CNOT7: variants seen among roughly 807,000 people sequenced by gnomAD.
CNOT7 encodes the protein CCR4-NOT transcription complex subunit 7, also known as BTG1-binding factor 1.
CNOT7 carries 4 observed loss-of-function variants against 37.1 expected under a neutral mutation model. The ratio of observed to expected loss-of-function variants is 0.11; its 90% CI spans 0.05 to 0.25. The LOEUF is 0.25. Ranked by LOEUF, CNOT7 falls within the 10% of genes least tolerant of loss-of-function variation. The pLI is 1.00. For missense variants in CNOT7, 170 were observed against 336.2 expected, an observed-to-expected ratio of 0.51 and a Z score of 3.87; for synonymous variants, 128 against 115.6, an observed-to-expected ratio of 1.11 and a Z score of -0.69.
At chr8:17,232,364 A>T in intron 6 of CNOT7, 63 bp downstream of exon 6, 2 of 1,611,004 alleles carry the variant, frequency 1.2e-6, no homozygotes. Context: ...ATCTTTGGCC[A>T]CAAGATTTTT....
rs1360674860 is a variant in CNOT7 at position 17,225,248 on chromosome 8, T to TTCTTA, written c.*5467_*5471dup. ...TTCTTGGTATGATACTAAATAAAGATTCTTATCTTTTGGGAGAAAGAGCCA... is the reference window on the plus strand; with the variant it reads ...TTCTTGGTATGATACTAAATAAAGATTCTTATCTTATCTTTTGGGAGAAAGAGCCA... On this transcript the variant is annotated 3_prime_UTR_variant, in exon 7 of 7. Coordinates refer to ENST00000361272, the MANE Select transcript of CNOT7 (RefSeq NM_013354.7). 3 of 151,688 alleles carry TTCTTA rather than the reference T, an allele frequency of 2.0e-5. No homozygotes were observed. 9.4% of individuals were successfully genotyped at this position (151,688 alleles called of 1,614,324 possible).
chr8:17,233,800 T>C (rs556631563), intron 5 of CNOT7, among the ~76,000 whole-genome samples: 1 of 152,312 alleles, frequency 6.6e-6, no homozygotes, highest in Non-Finnish European at 1.5e-5. Context: ...ATATCATGTA[T>C]TAAAGGTAAA....
rs947330572 is a variant in CNOT7 at position 17,228,813 on chromosome 8, G to A, written c.*1907C>T. On this transcript the variant is annotated 3_prime_UTR_variant, in exon 7 of 7. Transcript: ENST00000361272. ...CATTGATTTCTCAAATAGTTGAACA[G>A]AATTTAAATATTAGTTTTCTCAGCT... 1 of 151,926 alleles carries A rather than the reference G, an allele frequency of 6.6e-6. No homozygotes were observed. The highest frequency in any genetic ancestry group is 1.5e-5 in the Non-Finnish European group (1 of 67,870). 9.4% of individuals were successfully genotyped at this position (151,926 alleles called of 1,614,324 possible). A position where few individuals can be genotyped will look rare whatever the true frequency, so the allele number is the denominator to read the frequency against.
chr8:17,234,501 A>C, intron 5 of CNOT7: 1 of 515,304 alleles, frequency 1.9e-6, no homozygotes, highest in Non-Finnish European at 3.5e-6. Flanking sequence ...ATGTGTTGAA[A>C]ATTCTGCCTT....
intron 3 of CNOT7, chr8:17,242,721 T>C (rs541203004): frequency 3.8e-5 from 10 of 264,838 alleles, no homozygotes; most frequent in Non-Finnish European, 5.6e-5. Flanking sequence ...TGTAGGATTA[T>C]TTTTTCTATC....
intron 4 of CNOT7, 133 bp from the exon 5 acceptor site, chr8:17,234,993 C>G (rs1392194671): frequency 4.4e-6 from 3 of 679,172 alleles, no homozygotes. Flanking sequence ...GAAGTGCACA[C>G]AAGAACAGAG....
chr8:17,244,107 T>C (rs1810560321), intron 2 of CNOT7, among the ~76,000 whole-genome samples: 1 of 152,174 alleles, frequency 6.6e-6, no homozygotes, highest in Admixed American at 6.5e-5. Flanking sequence ...TGTGTTATGC[T>C]AGGTGTTGGG....
In CNOT7 at chr8:17,228,581, A is replaced by ATCTT. The variant is rs1808311359; in HGVS notation, c.*2135_*2138dup. The ATCTT allele has an allele frequency of 6.6e-6, 1 of 152,024 alleles. No individual in the cohort carries two copies. Among genetic ancestry groups the ATCTT allele is most frequent in the Admixed American group, 6.6e-5 (1 of 15,258 alleles). 9.4% of individuals were successfully genotyped at this position (152,024 alleles called of 1,614,324 possible). ...CACATTCAGTAGAAACTATAACCCC[A>ATCTT]TCTTTGGTCCTAAGGCGCTCCTAAA... On this transcript the variant is annotated 3_prime_UTR_variant, in exon 7 of 7. Transcript: ENST00000361272.
intron 3 of CNOT7, chr8:17,242,532 T>C (rs1480787841): frequency 6.5e-6 from 1 of 153,158 alleles, no homozygotes; most frequent in Non-Finnish European, 1.5e-5. Flanking sequence ...GGCAACCTAA[T>C]GATAATACTG....
At chr8:17,240,629 G>A (rs749174637) in intron 3 of CNOT7, among the ~76,000 whole-genome samples, 2 of 152,036 alleles carry the variant, frequency 1.3e-5, no homozygotes, top group African/African-American at 4.8e-5. Flanking sequence ...GAAGCTGATG[G>A]GTTACCTCCT....
Position 17,229,674 on chromosome 8 carries a change from C to G in CNOT7, c.*1046G>C, listed in dbSNP as rs1250963973. Reference sequence around the variant, plus strand: ...TATATATATATTTTGTTGTTTTGTACCAAATCTCTCCATTATTTACCTTTG... The same window carrying G: ...TATATATATATTTTGTTGTTTTGTAGCAAATCTCTCCATTATTTACCTTTG... On this transcript the variant is annotated 3_prime_UTR_variant, in exon 7 of 7. Transcript: ENST00000361272. The G allele has an allele frequency of 1.3e-5, 2 of 150,658 alleles. No homozygotes were observed. The highest frequency in any genetic ancestry group is 2.4e-5 in the African/African-American group (1 of 40,874). 9.3% of individuals were successfully genotyped at this position (150,658 alleles called of 1,614,324 possible).
At chr8:17,236,250 G>A (rs1046890542) in intron 4 of CNOT7, among the ~76,000 whole-genome samples, 21 of 152,130 alleles carry the variant, frequency 1.4e-4, no homozygotes, top group African/African-American at 4.8e-4. Context: ...TAAACATGCA[G>A]GAGACTCAGA....
At chr8:17,244,926 T>C (rs1166107487) in intron 2 of CNOT7, 110 bp downstream of exon 2, 1 of 895,094 alleles carries the variant, frequency 1.1e-6, no homozygotes, top group Non-Finnish European at 1.7e-6. Context: ...TTACTTTTCA[T>C]GGTGAAATTA....
At position 17,245,219 on chromosome 8, in the gene CNOT7, A is replaced by C. The variant is rs1810754872; in HGVS notation, c.-67T>G. The C allele has an allele frequency of 3.4e-6, 5 of 1,492,366 alleles. No individual in the cohort carries two copies. The highest frequency in any genetic ancestry group is 4.5e-6 in the Non-Finnish European group (5 of 1,116,246). The allele number at this position is 1,492,366 out of a possible 1,614,324, so 92.4% of individuals were successfully genotyped here. On this transcript the variant is annotated 5_prime_UTR_variant, in exon 2 of 7. It removes an upstream start codon present in the reference 5' UTR. Coordinates refer to ENST00000361272, the MANE Select transcript of CNOT7 (RefSeq NM_013354.7). The stretch of plus-strand genomic sequence containing the variant: ...TTATACTTGATTGAAGATTTGTTTC[A>C]TAAAATATTTTATCCTTTATTTATG...
intron 2 of CNOT7, 154 bp downstream of exon 2, chr8:17,244,882 C>T (rs1810684247): frequency 1.6e-6 from 1 of 633,574 alleles, no homozygotes; most frequent in Admixed American, 2.9e-5. Flanking sequence ...AGGTGTATTC[C>T]TGATGGATTT....
chr8:17,228,136 T>C lies in CNOT7; in HGVS notation c.*2584A>G, dbSNP rs990434137. 6.6e-6 allele frequency: 1 copy of C among 151,944 alleles called. No individual in the cohort carries two copies. The highest frequency in any genetic ancestry group is 1.5e-5 in the Non-Finnish European group (1 of 67,846). The allele number at this position is 151,944 out of a possible 1,614,324, so 9.4% of individuals were successfully genotyped here. A position where few individuals can be genotyped will look rare whatever the true frequency, so the allele number is the denominator to read the frequency against. On this transcript the variant is annotated 3_prime_UTR_variant, in exon 7 of 7. Coordinates refer to ENST00000361272, the MANE Select transcript of CNOT7 (RefSeq NM_013354.7). Reference sequence around the variant, plus strand: ...GTCAGGAAATAATCTTTTGATTATTTTTCCCAACCATTTAAAAGCCATTTT... The same window carrying C: ...GTCAGGAAATAATCTTTTGATTATTCTTCCCAACCATTTAAAAGCCATTTT...
chr8:17,237,442 C>T, intron 3 of CNOT7, 69 bp from the exon 4 acceptor site: 2 of 1,419,828 alleles, frequency 1.4e-6, no homozygotes, highest in Non-Finnish European at 2.0e-6. Context: ...CTTCTGCTTA[C>T]ATCTATAACT....
rs1207678553 is a variant in CNOT7 at position 17,225,817 on chromosome 8, C to T, written c.*4903G>A. ...TGAACTGGCCTTCACTACAAAGCAC[C>T]GACACACAGAATAATCAGCATTTTT... On this transcript the variant is annotated 3_prime_UTR_variant, in exon 7 of 7. Coordinates refer to ENST00000361272, the MANE Select transcript of CNOT7 (RefSeq NM_013354.7). 2 of 151,488 alleles carry T rather than the reference C, an allele frequency of 1.3e-5. No homozygotes were observed. Among genetic ancestry groups the T allele is most frequent in the Middle Eastern group, 3.2e-3 (1 of 316 alleles). The allele number at this position is 151,488 out of a possible 1,614,324, so 9.4% of individuals were successfully genotyped here. A position where few individuals can be genotyped will look rare whatever the true frequency, so the allele number is the denominator to read the frequency against.
chr8:17,243,362 TAA>T (rs1810450524), intron 2 of CNOT7, 177 bp from the exon 3 acceptor site: 6 of 640,204 alleles, frequency 9.4e-6, no homozygotes, highest in Non-Finnish European at 1.7e-5. Context: ...TAAAACTCTA[TAA>T]ACTTAATAAC....
Sources: gnomAD v4.1 joint callset for allele counts (sites outside exome capture counted in the v4.1 genomes callset) on GRCh38, gnomAD v4.1.1 for gene constraint, MANE v1.5 for transcripts, NCBI Gene and HGNC (gene_info 2026-07-23, HGNC 2026-07-21) for gene names.